The following SMOX variants were observed in gnomAD, a reference collection of about 807,000 sequenced individuals.
SMOX encodes spermine oxidase, also known as flavin containing amine oxidase.
A neutral mutation model predicts 51.0 loss-of-function variants in SMOX; 22 were observed. The observed-to-expected ratio is 0.43, with a 90% CI of 0.31 to 0.62. The LOEUF is 0.62. Among genes scored for constraint, SMOX ranks in the 20% least tolerant of loss-of-function variants. The pLI is 0.10. For synonymous variants in SMOX, 282 were observed against 307.8 expected (o/e 0.92, Z 0.88); for missense variants, 566 against 777.7 (o/e 0.73, Z 3.24).
In SMOX at chr20:4,150,763, C is replaced by T. The variant is rs188804853; in HGVS notation, c.-27+1786C>T. 1.3e-3 allele frequency among the ~76,000 whole-genome samples: 201 copies of T among 150,846 alleles called. 1 individual carries two copies. Among genetic ancestry groups the T allele is most frequent in the African/African-American group, 4.5e-3 (184 of 41,176 alleles). On this transcript the variant is annotated intron_variant, in intron 1 of 6. Transcript: ENST00000305958. ...GACAAAAAACTTAATATGGATGAAA[C>T]AGAACCCTGATGGCACTCCCCAGGC...
chr20:4,160,373 G>C (rs139797427), intron 1 of SMOX, among the ~76,000 whole-genome samples: 67 of 152,256 alleles, frequency 4.4e-4, no homozygotes, highest in Non-Finnish European at 7.6e-4. Flanking sequence ...GCAGTCCTCG[G>C]GCCTGCCGCA....
chr20:4,174,811 T>C (rs1274873086), intron 1 of SMOX, among the ~76,000 whole-genome samples: 1 of 152,108 alleles, frequency 6.6e-6, no homozygotes, highest in East Asian at 1.9e-4. Context: ...CTTCCTTTTC[T>C]CCTCCCTTCC....
intron 3 of SMOX, among the ~76,000 whole-genome samples, chr20:4,180,117 C>T (rs1287173777): frequency 2.0e-5 from 3 of 152,178 alleles, no homozygotes; most frequent in Non-Finnish European, 4.4e-5. Context: ...AAAGCCTGAC[C>T]CTTGGCAGTG....
Position 4,187,706 on chromosome 20 carries a change from A to G in SMOX, c.*299A>G. The G allele has an allele frequency of 3.5e-6, 1 of 289,796 alleles. No homozygotes were observed. The highest frequency in any genetic ancestry group is 6.5e-6 in the Non-Finnish European group (1 of 154,890). 18.0% of individuals were successfully genotyped at this position (289,796 alleles called of 1,614,324 possible). A position where few individuals can be genotyped will look rare whatever the true frequency, so the allele number is the denominator to read the frequency against. On this transcript the variant is annotated 3_prime_UTR_variant, in exon 7 of 7. Coordinates refer to ENST00000305958, the MANE Select transcript of SMOX (RefSeq NM_175839.3). The surrounding 1 kb of genome is among the most constrained non-coding windows in gnomAD (Gnocchi z 4.8). ...ACTTTGCATTTTGGGATAATAAAAA[A>G]GGCTCCCTCCCCTGCCCCTCAGCTT... is the stretch of plus-strand genomic sequence containing the variant.
chr20:4,187,455 C>T lies in SMOX; in HGVS notation c.*48C>T. The T allele has an allele frequency of 6.3e-7, 1 of 1,593,038 alleles. No individual in the cohort carries two copies. Among genetic ancestry groups the T allele is most frequent in the Non-Finnish European group, 8.6e-7 (1 of 1,167,428 alleles). On this transcript the variant is annotated 3_prime_UTR_variant, in exon 7 of 7. Transcript: ENST00000305958. This position sits in a 1 kb window ranked among gnomAD's most constrained non-coding sequence, Gnocchi z 4.8. ...GAGCCACTAACTCGTGACCTCCAGC[C>T]TGCCCCTTGCTGCCGTGTGCTCCTG...
intron 1 of SMOX, among the ~76,000 whole-genome samples, chr20:4,164,568 ATT>A: frequency 6.6e-6 from 1 of 152,316 alleles, no homozygotes; most frequent in East Asian, 1.9e-4. Context: ...GGATAGGACT[ATT>A]TATTAAGTTG....
Position 4,182,398 on chromosome 20 carries a change from G to A in SMOX, c.919G>A (p.Glu307Lys). Residue 307 changes from glutamate (E) to lysine (K), a missense_variant, in exon 5 of 7, where the codon GAG (glutamate) becomes AAG (lysine). Glu to Lys is a moderately conservative substitution (Grantham distance 56). Coordinates refer to ENST00000305958, the MANE Select transcript of SMOX (RefSeq NM_175839.3). The surrounding 1 kb of genome is among the most constrained non-coding windows in gnomAD (Gnocchi z 8.4). Reference protein sequence around the residue: ...GEEPRGGRWDEDEQWSVVVEC... With the variant: ...GEEPRGGRWDKDEQWSVVVEC... ...GGAGCCCCGGGGGGGCAGGTGGGAT[G>A]AGGATGAGCAGTGGTCGGTGGTGGT... 2.5e-6 allele frequency: 4 copies of A among 1,600,914 alleles called. No individual in the cohort carries two copies. The highest frequency in any genetic ancestry group is 3.4e-6 in the Non-Finnish European group (4 of 1,172,676).
chr20:4,180,855 G>A (rs1979267952), intron 3 of SMOX, among the ~76,000 whole-genome samples: 1 of 152,100 alleles, frequency 6.6e-6, no homozygotes, highest in Non-Finnish European at 1.5e-5. Context: ...TCCTATCACG[G>A]CAGCCCAATC....
chr20:4,175,145 C>T lies in SMOX; in HGVS notation c.90C>T (p.Ile30=), dbSNP rs34069259. Reference sequence around the variant, plus strand: ...GGGGACAGCCTCGTGTGGTGGTGATCGGCGCCGGCTTGGCTGGCCTGGCTG... The same window carrying T: ...GGGGACAGCCTCGTGTGGTGGTGATTGGCGCCGGCTTGGCTGGCCTGGCTG... ...RRRGQPRVVV[I]GAGLAGLAAA... is the part of the protein sequence containing the mutation. The change falls in exon 2 of 7, where the codon ATC becomes ATT. Residue 30 remains isoleucine (I), a synonymous_variant. Coordinates refer to ENST00000305958, the MANE Select transcript of SMOX (RefSeq NM_175839.3). 142 of 1,614,094 alleles carry T rather than the reference C, an allele frequency of 8.8e-5. No homozygotes were observed. Among genetic ancestry groups the T allele is most frequent in the African/African-American group, 6.1e-4 (46 of 74,924 alleles).
intron 6 of SMOX, among the ~76,000 whole-genome samples, chr20:4,184,800 G>A (rs957434530): frequency 6.6e-6 from 1 of 152,192 alleles, no homozygotes; most frequent in African/African-American, 2.4e-5. Flanking sequence ...GCATCAGTTA[G>A]GACTAGTGCA....
At position 4,183,341 on chromosome 20, in the gene SMOX, C is replaced by A; in HGVS notation, c.1370-153C>A. The stretch of plus-strand genomic sequence containing the variant: ...GGTACACAGCTCGAGCCCCAGCCTC[C>A]CTCCTTCCTCTTCTATCCTCCGTGC... On this transcript the variant is annotated intron_variant, in intron 5 of 6. Coordinates refer to ENST00000305958, the MANE Select transcript of SMOX (RefSeq NM_175839.3). This position sits in a 1 kb window ranked among gnomAD's most constrained non-coding sequence, Gnocchi z 4.3. 8.8e-7 allele frequency: 1 copy of A among 1,138,634 alleles called. No homozygotes were observed. Among genetic ancestry groups the A allele is most frequent in the Admixed American group, 1.9e-5 (1 of 52,334 alleles). 70.5% of individuals were successfully genotyped at this position (1,138,634 alleles called of 1,614,324 possible). A position where few individuals can be genotyped will look rare whatever the true frequency, so the allele number is the denominator to read the frequency against.
intron 1 of SMOX, among the ~76,000 whole-genome samples, chr20:4,173,471 C>T (rs1206240966): frequency 6.6e-6 from 1 of 152,206 alleles, no homozygotes; most frequent in Non-Finnish European, 1.5e-5. Flanking sequence ...TGTCTCTGTT[C>T]TCCTGCTGAT....
chr20:4,186,038 C>T (rs1270201823), intron 6 of SMOX, among the ~76,000 whole-genome samples: 1 of 152,162 alleles, frequency 6.6e-6, no homozygotes, highest in Admixed American at 6.5e-5. Flanking sequence ...ATGCAGGCTC[C>T]TGCCCATAAT....
rs1979531900 is a variant in SMOX at position 4,183,757 on chromosome 20, T to C, written c.1530+103T>C. The C allele has an allele frequency of 5.2e-6, 7 of 1,349,556 alleles. No individual in the cohort carries two copies. The highest frequency in any genetic ancestry group is 6.8e-6 in the Non-Finnish European group (7 of 1,030,308). The allele number at this position is 1,349,556 out of a possible 1,614,324, so 83.6% of individuals were successfully genotyped here. A position where few individuals can be genotyped will look rare whatever the true frequency, so the allele number is the denominator to read the frequency against. On this transcript the variant is annotated intron_variant, in intron 6 of 6. Coordinates refer to ENST00000305958, the MANE Select transcript of SMOX (RefSeq NM_175839.3). This position sits in a 1 kb window ranked among gnomAD's most constrained non-coding sequence, Gnocchi z 4.3. ...TAGGGTAGTGTTCACTAAGGGGTGCTCAGGTGAGGCAGGGATGGAGTAGCT... is the reference window on the plus strand; with the variant it reads ...TAGGGTAGTGTTCACTAAGGGGTGCCCAGGTGAGGCAGGGATGGAGTAGCT...
chr20:4,169,539 C>T (rs150624906), intron 1 of SMOX, among the ~76,000 whole-genome samples: 97 of 152,346 alleles, frequency 6.4e-4, no homozygotes, highest in African/African-American at 2.2e-3. Flanking sequence ...GCCGCGCTCA[C>T]CTTGGGCAGG....
chr20:4,180,267 CTG>C (rs1209576177), intron 3 of SMOX, among the ~76,000 whole-genome samples: 3 of 152,202 alleles, frequency 2.0e-5, no homozygotes, highest in Admixed American at 6.5e-5. Context: ...TAATTCATGT[CTG>C]TGTCTCAGGT....
chr20:4,156,850 C>A (rs1986041191), intron 1 of SMOX, among the ~76,000 whole-genome samples: 1 of 152,200 alleles, frequency 6.6e-6, no homozygotes, highest in Non-Finnish European at 1.5e-5. Flanking sequence ...TCAAGCAATT[C>A]TCTTGCCTCA....
rs943963622 is a variant in SMOX, at chr20:4,183,342, C to G, written c.1370-152C>G. 5 of 1,156,668 alleles carry G rather than the reference C, an allele frequency of 4.3e-6. No homozygotes were observed. The African/African-American group carries it at 7.6e-5, about 18-fold the overall frequency. The allele number at this position is 1,156,668 out of a possible 1,614,324, so 71.7% of individuals were successfully genotyped here. A position where few individuals can be genotyped will look rare whatever the true frequency, so the allele number is the denominator to read the frequency against. On this transcript the variant is annotated intron_variant, in intron 5 of 6. Coordinates refer to ENST00000305958, the MANE Select transcript of SMOX (RefSeq NM_175839.3). The surrounding 1 kb of genome is among the most constrained non-coding windows in gnomAD (Gnocchi z 4.3). ...GTACACAGCTCGAGCCCCAGCCTCC[C>G]TCCTTCCTCTTCTATCCTCCGTGCC...
At chr20:4,155,785 G>T (rs1178782295) in intron 1 of SMOX, among the ~76,000 whole-genome samples, 2 of 151,986 alleles carry the variant, frequency 1.3e-5, no homozygotes, top group Non-Finnish European at 2.9e-5. Context: ...AGTCCCCCCA[G>T]TTGCTGGAAG....
Sources: allele counts gnomAD v4.1 joint callset (sites outside exome capture counted in the v4.1 genomes callset), GRCh38; gene constraint gnomAD v4.1.1; non-coding constraint Gnocchi (gnomAD v3.1); transcripts MANE v1.5; gene names NCBI Gene and HGNC (gene_info 2026-07-23, HGNC 2026-07-21).